The following SKI variants were observed in gnomAD, a reference collection of about 807,000 sequenced individuals.
SKI encodes the protein ski oncogene.
A neutral mutation model predicts 59.3 loss-of-function variants in SKI; 23 were observed. That is an observed-to-expected ratio of 0.39 (90% confidence interval 0.28 to 0.55). The LOEUF (loss-of-function observed/expected upper bound fraction) is 0.55. Among genes scored for constraint, SKI ranks in the 20% least tolerant of loss-of-function variants. SKI has a pLI of 0.67. For missense variants in SKI, 1,017 were observed against 1,038.9 expected (o/e 0.98, Z 0.29); for synonymous variants, 673 against 488.6 (o/e 1.38, Z -4.98).
chr1:2,290,664 C>CAGG (rs370758300), intron 1 of SKI, among the ~76,000 whole-genome samples: 317 of 152,032 alleles, frequency 2.1e-3, no homozygotes, highest in African/African-American at 7.2e-3. Flanking sequence ...GTCTTGTAGG[C>CAGG]AGGAGGAGGA....
chr1:2,262,315 C>T (rs187672909), intron 1 of SKI, among the ~76,000 whole-genome samples: 63 of 133,158 alleles, frequency 4.7e-4, no homozygotes, highest in Non-Finnish European at 6.6e-4. Flanking sequence ...AGTGGACACC[C>T]TCGCTCCTGA....
chr1:2,298,158 G>A (rs1343509235), intron 1 of SKI, among the ~76,000 whole-genome samples: 3 of 152,196 alleles, frequency 2.0e-5, no homozygotes, highest in East Asian at 1.9e-4. Context: ...ATGTGAAGCC[G>A]GCGTCACAAA....
chr1:2,248,940 C>T (rs1203905627), intron 1 of SKI, among the ~76,000 whole-genome samples: 1 of 152,238 alleles, frequency 6.6e-6, no homozygotes, highest in Non-Finnish European at 1.5e-5. Context: ...AGCTGGGTCC[C>T]ACAAGCCATC....
intron 1 of SKI, among the ~76,000 whole-genome samples, chr1:2,237,768 G>C (rs1638783395): frequency 6.6e-6 from 1 of 152,242 alleles, no homozygotes; most frequent in Non-Finnish European, 1.5e-5. Flanking sequence ...TTGCCCTGTT[G>C]AGGGAACGTG....
chr1:2,266,638 G>A (rs1024291886), intron 1 of SKI, among the ~76,000 whole-genome samples: 3 of 152,194 alleles, frequency 2.0e-5, no homozygotes, highest in African/African-American at 7.2e-5. Context: ...TTTCCAGGGA[G>A]GAGGGTGATG....
chr1:2,289,208 G>A (rs1446313998), intron 1 of SKI, among the ~76,000 whole-genome samples: 1 of 152,184 alleles, frequency 6.6e-6, no homozygotes, highest in African/African-American at 2.4e-5. Flanking sequence ...GTTATGTTGA[G>A]CCTCTCTAGG....
chr1:2,249,512 T>C (rs1336729448), intron 1 of SKI, among the ~76,000 whole-genome samples: 1 of 152,232 alleles, frequency 6.6e-6, no homozygotes, highest in Non-Finnish European at 1.5e-5. Flanking sequence ...TCACCCATGG[T>C]GTGGTCTGAG....
chr1:2,245,788 CTTTTTTTTTTTTTTTTT>C lies in SKI; in HGVS notation c.969+16063_969+16079del, dbSNP rs766445644. Reference sequence around the variant, plus strand: ...ACTGCACCTGGCCCTATTTTTCCTTCTTTTTTTTTTTTTTTTTTTTTTTTTTGAGGCAGGGTCTCACT... The same window carrying C: ...ACTGCACCTGGCCCTATTTTTCCTTCTTTTTTTTTGAGGCAGGGTCTCACT... On this transcript the variant is annotated intron_variant, in intron 1 of 6. Transcript: ENST00000378536. Among the ~76,000 whole-genome samples, 50 of 70,382 alleles carry C rather than the reference CTTTTTTTTTTTTTTTTT, an allele frequency of 7.1e-4. No individual in the cohort carries two copies. The South Asian group carries it at 0.02, about 28-fold the overall frequency. 46.2% of individuals were successfully genotyped at this position (70,382 alleles called of 152,430 possible). A position where few individuals can be genotyped will look rare whatever the true frequency, so the allele number is the denominator to read the frequency against.
chr1:2,237,652 A>G (rs925173939), intron 1 of SKI, among the ~76,000 whole-genome samples: 3 of 152,236 alleles, frequency 2.0e-5, no homozygotes, highest in African/African-American at 7.2e-5. Flanking sequence ...GGAAAGTAAC[A>G]TGGAAACATT....
chr1:2,306,843 C>A lies in SKI; in HGVS notation c.*78C>A. Reference sequence around the variant, plus strand: ...GGCTGGGCGGTGCAGCTCCGCCCGGCTCCGCCCCTGCAGCCCACACAGCAC... The same window carrying A: ...GGCTGGGCGGTGCAGCTCCGCCCGGATCCGCCCCTGCAGCCCACACAGCAC... On this transcript the variant is annotated 3_prime_UTR_variant, in exon 7 of 7. Coordinates refer to ENST00000378536, the MANE Select transcript of SKI (RefSeq NM_003036.4). 9.8e-7 allele frequency: 1 copy of A among 1,017,426 alleles called. No individual in the cohort carries two copies. The highest frequency in any genetic ancestry group is 1.3e-6 in the Non-Finnish European group (1 of 777,326). The allele number at this position is 1,017,426 out of a possible 1,614,324, so 63.0% of individuals were successfully genotyped here.
chr1:2,286,490 G>A (rs921578122), intron 1 of SKI, among the ~76,000 whole-genome samples: 4 of 152,304 alleles, frequency 2.6e-5, no homozygotes, highest in African/African-American at 4.8e-5. Context: ...GTGAGACCTT[G>A]TCTCTTTAAA....
At chr1:2,265,793 C>T (rs1569762613) in intron 1 of SKI, among the ~76,000 whole-genome samples, 1 of 151,894 alleles carries the variant, frequency 6.6e-6, no homozygotes. Context: ...ATGGAGAAAC[C>T]CTGTCTCTAC....
chr1:2,306,396 CAG>C (rs1321477345), intron 6 of SKI, 146 bp downstream of exon 6: 7 of 1,004,842 alleles, frequency 7.0e-6, no homozygotes, highest in Non-Finnish European at 8.6e-6. Flanking sequence ...CCGACGGGCA[CAG>C]GGTGGGTGGT....
chr1:2,301,671 A>T (rs1181370254), intron 1 of SKI, among the ~76,000 whole-genome samples: 1 of 151,714 alleles, frequency 6.6e-6, no homozygotes, highest in African/African-American at 2.4e-5. Context: ...CTGGTTCCTG[A>T]TGCAGCGTCT....
Position 2,229,447 on chromosome 1 carries a change from G to A in SKI, c.681G>A (p.Lys227=). The A allele has an allele frequency of 6.2e-7, 1 of 1,612,236 alleles. No homozygotes were observed. The highest frequency in any genetic ancestry group is 8.5e-7 in the Non-Finnish European group (1 of 1,179,818). The change falls in exon 1 of 7, where the codon AAG becomes AAA. Residue 227 remains lysine (K), a synonymous_variant. Transcript: ENST00000378536. This position sits in a 1 kb window ranked among gnomAD's most constrained non-coding sequence, Gnocchi z 6.3. ...SVRVYHECFG[K]CKGLLVPELY... ...GCGTGTACCACGAGTGCTTCGGCAA[G>A]TGTAAGGGGCTGCTGGTGCCCGAGC...
chr1:2,257,112 G>A (rs1019244251), intron 1 of SKI, among the ~76,000 whole-genome samples: 3 of 152,158 alleles, frequency 2.0e-5, no homozygotes, highest in African/African-American at 4.8e-5. Flanking sequence ...TTTCATTTTC[G>A]TTTCTAAGAT....
chr1:2,234,598 C>T (rs1003491788), intron 1 of SKI, among the ~76,000 whole-genome samples: 1 of 152,200 alleles, frequency 6.6e-6, no homozygotes, highest in Non-Finnish European at 1.5e-5. Flanking sequence ...CTGCTGCTGG[C>T]AGGGCCTCCA....
chr1:2,234,216 C>T (rs1638703779), intron 1 of SKI, among the ~76,000 whole-genome samples: 1 of 152,186 alleles, frequency 6.6e-6, no homozygotes, highest in Admixed American at 6.5e-5. Context: ...CCTCTGCCCA[C>T]CCCAGCTGGC....
At chr1:2,235,641 T>C (rs1638736349) in intron 1 of SKI, among the ~76,000 whole-genome samples, 1 of 152,200 alleles carries the variant, frequency 6.6e-6, no homozygotes, top group South Asian at 2.1e-4. Context: ...CTTGCTGGGG[T>C]GGCCTCGATG....
Sources: gnomAD v4.1 joint callset for allele counts (sites outside exome capture counted in the v4.1 genomes callset) on GRCh38, gnomAD v4.1.1 for gene constraint, Gnocchi (gnomAD v3.1) non-coding constraint, MANE v1.5 for transcripts, NCBI Gene and HGNC (gene_info 2026-07-23, HGNC 2026-07-21) for gene names.